The following CYLD variants were observed in gnomAD, a reference collection of about 807,000 sequenced individuals.
The protein encoded by CYLD is CYLD lysine 63 deubiquitinase.
Under a neutral mutation model 104.5 loss-of-function variants are expected in CYLD, and 26 were observed. The ratio of observed to expected loss-of-function variants is 0.25; its 90% CI spans 0.18 to 0.35. The LOEUF is 0.35. Ranked by LOEUF, CYLD falls within the 10% of genes least tolerant of loss-of-function variation. The pLI is 1.00. For missense variants in CYLD, 703 were observed against 1,136.1 expected, an observed-to-expected ratio of 0.62 and a Z score of 5.48; for synonymous variants, 385 against 399.9, an observed-to-expected ratio of 0.96 and a Z score of 0.45.
In CYLD at chr16:50,799,807, G is replaced by C. The variant is rs1391093229; in HGVS notation, c.*3299G>C. The C allele has an allele frequency of 8.6e-6, 2 of 232,916 alleles. No homozygotes were observed. Among genetic ancestry groups the C allele is most frequent in the Non-Finnish European group, 1.7e-5 (2 of 117,936 alleles). 14.4% of individuals were successfully genotyped at this position (232,916 alleles called of 1,614,324 possible). ...TATCTGGCCAGATAATTTTGCATCT[G>C]CTTGGATGATTGTAGACTGAGATGT... is the stretch of plus-strand genomic sequence containing the variant. On this transcript the variant is annotated 3_prime_UTR_variant, in exon 19 of 19. Transcript: ENST00000427738.
intron 14 of CYLD, among the ~76,000 whole-genome samples, chr16:50,788,978 A>G (rs1445053525): frequency 6.6e-6 from 1 of 152,230 alleles, no homozygotes; most frequent in Non-Finnish European, 1.5e-5. Context: ...ATGATTACAT[A>G]ATAATTTGCA....
intron 5 of CYLD, among the ~76,000 whole-genome samples, chr16:50,759,872 A>T (rs1416264654): frequency 6.6e-6 from 1 of 152,214 alleles, no homozygotes; most frequent in East Asian, 1.9e-4. Context: ...TGTGTCTTCT[A>T]TTAAACACGT....
rs751940542 is a variant in CYLD, at chr16:50,794,490, G to A, written c.2686+62G>A. The A allele has an allele frequency of 6.9e-7, 1 of 1,451,114 alleles. No homozygotes were observed. Among genetic ancestry groups the A allele is most frequent in the Non-Finnish European group, 9.7e-7 (1 of 1,032,948 alleles). 89.9% of individuals were successfully genotyped at this position (1,451,114 alleles called of 1,614,324 possible). A position where few individuals can be genotyped will look rare whatever the true frequency, so the allele number is the denominator to read the frequency against. On this transcript the variant is annotated intron_variant, in intron 18 of 18. Coordinates refer to ENST00000427738, the MANE Select transcript of CYLD (RefSeq NM_001378743.1). The surrounding 1 kb of genome is among the most constrained non-coding windows in gnomAD (Gnocchi z 4.1). ...GTTCTGGTTTGTAGTGGGACAGTTT[G>A]TAGTGGGATCGCCTGTTCTGAGTGA...
rs773486477 is a variant in CYLD at position 50,787,811 on chromosome 16, G to A, written c.2067G>A (p.Leu689=). Residue 689 remains leucine, a synonymous_variant, in exon 14 of 19, where the codon CTG becomes CTA. Coordinates refer to ENST00000427738, the MANE Select transcript of CYLD (RefSeq NM_001378743.1). The part of the protein sequence containing the change: ...EKDPEEFLNI[L]FHHILRVEPL... ...ATCCTGAGGAATTCTTGAATATTCT[G>A]TTTCATCATATTTTAAGGGTAGAAC... 4.2e-5 allele frequency: 66 copies of A among 1,558,494 alleles called. 1 individual carries two copies. The South Asian group carries it at 6.5e-4, about 15-fold the overall frequency.
chr16:50,755,100 T>C (rs1285187897), intron 5 of CYLD, among the ~76,000 whole-genome samples: 1 of 119,840 alleles, frequency 8.3e-6, no homozygotes, highest in Non-Finnish European at 1.6e-5. Context: ...TATACATACA[T>C]ATATACACAC....
At chr16:50,795,615 T>C in intron 18 of CYLD, 1 of 702,980 alleles carries the variant, frequency 1.4e-6, no homozygotes, top group Non-Finnish European at 2.6e-6. Context: ...ACATTCCCTG[T>C]GGCAGCCTCT....
chr16:50,783,569 C>T (rs1223718492), intron 11 of CYLD, among the ~76,000 whole-genome samples: 1 of 152,060 alleles, frequency 6.6e-6, no homozygotes, highest in African/African-American at 2.4e-5. Context: ...GAAGGAGTCT[C>T]GCTGTGTCGC....
chr16:50,745,455 C>T (rs1022727245), intron 2 of CYLD, among the ~76,000 whole-genome samples: 2 of 145,826 alleles, frequency 1.4e-5, no homozygotes, highest in Admixed American at 1.4e-4. Context: ...TCAGCCTGGA[C>T]CTCCTGGGCT....
chr16:50,789,982 A>C (rs890149433), intron 14 of CYLD, among the ~76,000 whole-genome samples: 1 of 152,234 alleles, frequency 6.6e-6, no homozygotes, highest in African/African-American at 2.4e-5. Context: ...AGAATGTTGC[A>C]CAAAGGGATA....
intron 5 of CYLD, 41 bp downstream of exon 5, chr16:50,754,465 AT>A: frequency 7.8e-7 from 1 of 1,278,344 alleles, no homozygotes; most frequent in Non-Finnish European, 1.1e-6. Flanking sequence ...GGCAAACTTT[AT>A]TTTTTAATTT....
In CYLD at chr16:50,758,984, A is replaced by G. The variant is rs546295173; in HGVS notation, c.913+4560A>G. Among the ~76,000 whole-genome samples the G allele has an allele frequency of 9.9e-5, 15 of 152,224 alleles. No homozygotes were observed. In the South Asian group the frequency reaches 3.1e-3, roughly 32 times the overall value. On this transcript the variant is annotated intron_variant, in intron 5 of 18. Coordinates refer to ENST00000427738, the MANE Select transcript of CYLD (RefSeq NM_001378743.1). ...CTGGGTGCAGTGGCTTATTCCTGTA[A>G]TCTCAGCACTTTAGGAAGCCGAAGT...
chr16:50,782,916 ATTTTTTTTTTT>A (rs386384680), intron 11 of CYLD, among the ~76,000 whole-genome samples: 3 of 87,706 alleles, frequency 3.4e-5, no homozygotes, highest in African/African-American at 4.7e-5. Flanking sequence ...ACAACTTAAG[ATTTTTTTTTTT>A]TTTTTTTTTT....
intron 3 of CYLD, among the ~76,000 whole-genome samples, chr16:50,750,895 G>A (rs1273037677): frequency 2.0e-5 from 3 of 151,922 alleles, no homozygotes; most frequent in South Asian, 2.1e-4. Context: ...AATTGTCCCC[G>A]ATAATATATG....
chr16:50,753,271 G>C (rs917784530), intron 4 of CYLD, among the ~76,000 whole-genome samples: 1 of 152,190 alleles, frequency 6.6e-6, no homozygotes, highest in Admixed American at 6.5e-5. Flanking sequence ...TCTTTAAATA[G>C]TAATTCAGTC....
At position 50,780,086 on chromosome 16, in the gene CYLD, G is replaced by A. The variant is rs17222902; in HGVS notation, c.1518+42G>A. On this transcript the variant is annotated intron_variant, in intron 9 of 18. Coordinates refer to ENST00000427738, the MANE Select transcript of CYLD (RefSeq NM_001378743.1). ...CAAAAATTTCAATTTTTTTCTCTGT[G>A]AGGTTTTGTGCAGATTTCGCCCTAT... is the stretch of plus-strand genomic sequence containing the variant. 137,483 of 1,609,738 alleles carry A rather than the reference G, an allele frequency of 0.085. 7,604 individuals carry two copies. The highest frequency in any genetic ancestry group is 0.23 in the South Asian group (21,158 of 90,914).
intron 18 of CYLD, among the ~76,000 whole-genome samples, 176 bp from the exon 19 acceptor site, chr16:50,796,148 C>A (rs1972026916): frequency 6.6e-6 from 1 of 152,086 alleles, no homozygotes; most frequent in African/African-American, 2.4e-5. Context: ...TTTCAGAAAC[C>A]AAGAAATGAG....
In CYLD at chr16:50,801,826, C is replaced by T; in HGVS notation, c.*5318C>T. 1 of 233,350 alleles carries T rather than the reference C, an allele frequency of 4.3e-6. No homozygotes were observed. Among genetic ancestry groups the T allele is most frequent in the Non-Finnish European group, 8.5e-6 (1 of 117,780 alleles). 14.5% of individuals were successfully genotyped at this position (233,350 alleles called of 1,614,324 possible). ...GAATACCCCTTCCTATCAGCTCGCT[C>T]TGATTTAGCCTTAATTTTGTTAAAT... On this transcript the variant is annotated 3_prime_UTR_variant, in exon 19 of 19. Coordinates refer to ENST00000427738, the MANE Select transcript of CYLD (RefSeq NM_001378743.1).
intron 5 of CYLD, among the ~76,000 whole-genome samples, chr16:50,755,209 A>G (rs569960647): frequency 9.1e-5 from 13 of 143,404 alleles, no homozygotes; most frequent in South Asian, 8.6e-4. Context: ...ATGTGTGTGT[A>G]TATACACACG....
chr16:50,778,855 T>TA (rs1969938633), intron 8 of CYLD, among the ~76,000 whole-genome samples: 2 of 151,186 alleles, frequency 1.3e-5, no homozygotes, highest in African/African-American at 4.9e-5. Flanking sequence ...TAATTTTTTT[T>TA]TAAAAATATG....
Sources: allele counts gnomAD v4.1 joint callset (sites outside exome capture counted in the v4.1 genomes callset), GRCh38; gene constraint gnomAD v4.1.1; non-coding constraint Gnocchi (gnomAD v3.1); transcripts MANE v1.5; gene names NCBI Gene and HGNC (gene_info 2026-07-23, HGNC 2026-07-21).